WIPF2: variants seen among roughly 807,000 people sequenced by gnomAD.
WIPF2 encodes WAS/WASL-interacting protein family member 2.
WIPF2 carries 23 observed loss-of-function variants against 38.8 expected under a neutral mutation model. The ratio of observed to expected loss-of-function variants is 0.59; its 90% CI spans 0.43 to 0.84. WIPF2 has a LOEUF of 0.84. Among genes scored for constraint, WIPF2 ranks in the 40% least tolerant of loss-of-function variants. The pLI is 0.00. For missense variants in WIPF2, 574 were observed against 580.5 expected, an observed-to-expected ratio of 0.99 and a Z score of 0.11; for synonymous variants, 210 against 223.2, an observed-to-expected ratio of 0.94 and a Z score of 0.53.
chr17:40,254,448 T>A (rs1488938212), intron 1 of WIPF2, among the ~76,000 whole-genome samples: 1 of 152,208 alleles, frequency 6.6e-6, no homozygotes, highest in Non-Finnish European at 1.5e-5. Flanking sequence ...TTGGCTTCCA[T>A]TTTTTGGGGG....
intron 5 of WIPF2, among the ~76,000 whole-genome samples, chr17:40,269,518 G>GC (rs893770063): frequency 4.3e-5 from 6 of 140,350 alleles, no homozygotes; most frequent in East Asian, 2.1e-4. Flanking sequence ...CTCAAAACCC[G>GC]CCCCCCCAAA....
chr17:40,255,915 C>T (rs1349298241), intron 1 of WIPF2, among the ~76,000 whole-genome samples: 4 of 151,888 alleles, frequency 2.6e-5, no homozygotes, highest in Non-Finnish European at 5.9e-5. Flanking sequence ...CATGAGCCAC[C>T]GCGCCTGGCC....
chr17:40,226,494 C>T, intron 1 of WIPF2, among the ~76,000 whole-genome samples: 1 of 151,956 alleles, frequency 6.6e-6, no homozygotes, highest in Non-Finnish European at 1.5e-5. Context: ...GGATTACAGG[C>T]ATGAGCCACT....
intron 1 of WIPF2, among the ~76,000 whole-genome samples, chr17:40,251,792 C>T (rs1177669164): frequency 1.3e-5 from 2 of 152,004 alleles, no homozygotes; most frequent in African/African-American, 2.4e-5. Flanking sequence ...GTGTCCTCAC[C>T]ATAAAATGGG....
chr17:40,271,673 T>C (rs2032251128), intron 5 of WIPF2, among the ~76,000 whole-genome samples: 1 of 152,202 alleles, frequency 6.6e-6, no homozygotes, highest in Non-Finnish European at 1.5e-5. Flanking sequence ...TTATTTGATC[T>C]GTGACCTTAA....
At chr17:40,266,820 A>G (rs925645027) in intron 5 of WIPF2, among the ~76,000 whole-genome samples, 4 of 152,106 alleles carry the variant, frequency 2.6e-5, no homozygotes, top group Non-Finnish European at 5.9e-5. Context: ...AGAAAAGAGA[A>G]TGTGATCGAT....
At chr17:40,254,782 A>AG (rs1332147874) in intron 1 of WIPF2, among the ~76,000 whole-genome samples, 1 of 151,530 alleles carries the variant, frequency 6.6e-6, no homozygotes, top group East Asian at 1.9e-4. Context: ...CCCAGGCTAG[A>AG]GGGCAGTAGC....
chr17:40,262,078 T>TC (rs1491547024), intron 3 of WIPF2, among the ~76,000 whole-genome samples: 21 of 5,768 alleles, frequency 3.6e-3, no homozygotes, highest in Middle Eastern at 0.071. Flanking sequence ...TTCTTTTCTC[T>TC]TTTTTTTTTT....
intron 1 of WIPF2, among the ~76,000 whole-genome samples, chr17:40,251,430 C>T (rs2031560078): frequency 6.6e-6 from 1 of 151,304 alleles, no homozygotes. Context: ...TTGATGTAAA[C>T]AAAAAGCTTC....
At chr17:40,240,944 CAAAAA>C (rs199547902) in intron 1 of WIPF2, among the ~76,000 whole-genome samples, 1 of 87,028 alleles carries the variant, frequency 1.1e-5, no homozygotes, top group Non-Finnish European at 2.4e-5. Flanking sequence ...GACTCCGTCT[CAAAAA>C]AAAAAAAAAA....
intron 1 of WIPF2, among the ~76,000 whole-genome samples, chr17:40,234,724 G>A (rs903585178): frequency 2.0e-5 from 3 of 152,146 alleles, no homozygotes; most frequent in Admixed American, 6.6e-5. Flanking sequence ...GGGAAACCTC[G>A]TTGCAGGAAT....
At chr17:40,276,427 A>T in intron 6 of WIPF2, among the ~76,000 whole-genome samples, 1 of 141,186 alleles carries the variant, frequency 7.1e-6, no homozygotes, top group Non-Finnish European at 1.5e-5. Flanking sequence ...ACGCTGGGGC[A>T]GGAGAATCGC....
chr17:40,233,208 T>A (rs931033158), intron 1 of WIPF2, among the ~76,000 whole-genome samples: 6 of 152,210 alleles, frequency 3.9e-5, no homozygotes, highest in African/African-American at 7.2e-5. Flanking sequence ...TCTCCTTAAC[T>A]GCATTGGTAC....
chr17:40,229,938 A>T (rs1366772703), intron 1 of WIPF2, among the ~76,000 whole-genome samples: 26 of 152,096 alleles, frequency 1.7e-4, no homozygotes, highest in Admixed American at 1.7e-3. Flanking sequence ...GAGGGAAAGA[A>T]TGTTTGTATT....
chr17:40,275,632 C>T (rs1055055042), intron 6 of WIPF2, among the ~76,000 whole-genome samples: 2 of 152,042 alleles, frequency 1.3e-5, no homozygotes, highest in African/African-American at 2.4e-5. Flanking sequence ...AGCGCAATCA[C>T]GGCTCACCGC....
At chr17:40,277,498 G>A (rs923040988) in intron 7 of WIPF2, among the ~76,000 whole-genome samples, 1 of 151,958 alleles carries the variant, frequency 6.6e-6, no homozygotes, top group African/African-American at 2.4e-5. Context: ...TAGCTAACAC[G>A]GTGAAACCCC....
intron 6 of WIPF2, among the ~76,000 whole-genome samples, chr17:40,274,557 G>GAAAAA: frequency 0.012 from 287 of 24,774 alleles, 5 homozygotes; most frequent in Non-Finnish European, 0.016. Flanking sequence ...TGGAATTCTT[G>GAAAAA]AAAAAAAAAA....
At chr17:40,232,321 C>G (rs1054693840) in intron 1 of WIPF2, among the ~76,000 whole-genome samples, 1 of 150,740 alleles carries the variant, frequency 6.6e-6, no homozygotes, top group Non-Finnish European at 1.5e-5. Context: ...TCTGGAGTAG[C>G]TGGAATCACA....
chr17:40,262,223 T>C (rs759378567), intron 3 of WIPF2, among the ~76,000 whole-genome samples: 11 of 151,786 alleles, frequency 7.2e-5, no homozygotes, highest in African/African-American at 9.7e-5. Flanking sequence ...TGGGACTATA[T>C]AGGCATGCAT....
Sources: gnomAD v4.1 joint callset for allele counts (sites outside exome capture counted in the v4.1 genomes callset) on GRCh38, gnomAD v4.1.1 for gene constraint, MANE v1.5 for transcripts, NCBI Gene and HGNC (gene_info 2026-07-23, HGNC 2026-07-21) for gene names.